Variants in AP2A2 observed in about 807,000 individuals in gnomAD.
AP2A2 encodes AP-2 complex subunit alpha-2.
Under a neutral mutation model 104.2 loss-of-function variants are expected in AP2A2, and 32 were observed. The observed-to-expected ratio is 0.31, with a 90% CI of 0.23 to 0.41. AP2A2 has a LOEUF of 0.41. AP2A2 is among the 10% of genes least tolerant of loss of function. The pLI is 1.00. For missense variants in AP2A2, 912 were observed against 1,261.0 expected, an observed-to-expected ratio of 0.72 and a Z score of 4.19; for synonymous variants, 539 against 533.3, an observed-to-expected ratio of 1.01 and a Z score of -0.15.
chr11:941,450 A>G (rs1474637743), intron 1 of AP2A2, among the ~76,000 whole-genome samples: 1 of 151,944 alleles, frequency 6.6e-6, no homozygotes, highest in Non-Finnish European at 1.5e-5. Context: ...ACTTTATGTA[A>G]TTTTTATTTT....
chr11:982,294 T>A (rs6597957), intron 6 of AP2A2, among the ~76,000 whole-genome samples: 72,857 of 152,038 alleles, frequency 0.48, 18,380 homozygotes, highest in Middle Eastern at 0.65. Context: ...CAAGCAATCT[T>A]CCTGCTTTGG....
chr11:940,468 C>G (rs183266624), intron 1 of AP2A2, among the ~76,000 whole-genome samples: 2 of 149,338 alleles, frequency 1.3e-5, no homozygotes, highest in African/African-American at 2.5e-5. Flanking sequence ...TTCTGCCTTT[C>G]GCGTTCTGTT....
intron 14 of AP2A2, among the ~76,000 whole-genome samples, chr11:997,781 T>C (rs1855901090): frequency 6.6e-6 from 1 of 152,194 alleles, no homozygotes; most frequent in African/African-American, 2.4e-5. Flanking sequence ...GGTGTGTGCC[T>C]GTAATCCCAG....
chr11:959,380 A>G (rs559103866), intron 1 of AP2A2, 57 bp from the exon 2 acceptor site: 534 of 1,180,026 alleles, frequency 4.5e-4, no homozygotes, highest in Non-Finnish European at 5.6e-4. Context: ...TATCAGGGAA[A>G]TGGTGTTTCT....
chr11:944,698 C>T (rs1853774367), intron 1 of AP2A2, among the ~76,000 whole-genome samples: 1 of 152,124 alleles, frequency 6.6e-6, no homozygotes, highest in Non-Finnish European at 1.5e-5. Flanking sequence ...AGCAGTTGAG[C>T]AAGGACCTGG....
intron 1 of AP2A2, among the ~76,000 whole-genome samples, chr11:936,167 A>T (rs1853453421): frequency 6.8e-6 from 1 of 147,246 alleles, no homozygotes. Flanking sequence ...TCGGCCTCCC[A>T]AAGTGCTAGG....
At chr11:990,196 C>A (rs1203803824) in intron 10 of AP2A2, among the ~76,000 whole-genome samples, 1 of 152,220 alleles carries the variant, frequency 6.6e-6, no homozygotes, top group Non-Finnish European at 1.5e-5. Flanking sequence ...GACTGTCCAC[C>A]CTCCAGGACA....
At chr11:980,772 GTTGTAAAGA>G (rs1855211005) in intron 5 of AP2A2, among the ~76,000 whole-genome samples, 1 of 152,238 alleles carries the variant, frequency 6.6e-6, no homozygotes, top group African/African-American at 2.4e-5. Context: ...TCACTTCTGG[GTTGTAAAGA>G]TTCAGATCAG....
At chr11:1,000,678 G>A in intron 15 of AP2A2, 80 bp downstream of exon 15, 1 of 1,416,806 alleles carries the variant, frequency 7.1e-7, no homozygotes, top group South Asian at 1.4e-5. Context: ...CGGCCAGCTG[G>A]ACAGAGGTGG....
intron 16 of AP2A2, among the ~76,000 whole-genome samples, chr11:1,005,820 C>T (rs1334652984): frequency 4.6e-5 from 7 of 152,188 alleles, no homozygotes; most frequent in South Asian, 2.1e-4. Flanking sequence ...GATAGCTTCA[C>T]GAGGTGTTGG....
chr11:964,084 C>G (rs1050513029), intron 2 of AP2A2, among the ~76,000 whole-genome samples: 2 of 152,174 alleles, frequency 1.3e-5, no homozygotes, highest in African/African-American at 4.8e-5. Context: ...CTGGAGACCC[C>G]CTTCCACTGT....
chr11:970,046 C>T (rs1036216682), intron 2 of AP2A2, 123 bp from the exon 3 acceptor site: 7 of 1,053,716 alleles, frequency 6.6e-6, no homozygotes, highest in Middle Eastern at 2.2e-4. Context: ...TGCCTGGGCC[C>T]GGCCACCCCT....
intron 20 of AP2A2, 131 bp downstream of exon 20, chr11:1,009,528 A>C (rs1856335508): frequency 7.7e-7 from 1 of 1,302,120 alleles, no homozygotes; most frequent in African/African-American, 1.6e-5. Flanking sequence ...GCCCCGGGGG[A>C]CACGCAGCCC....
chr11:1,009,813 C>T lies in AP2A2; in HGVS notation c.2738C>T (p.Ala913Val), dbSNP rs901126871. The T allele has an allele frequency of 6.5e-7, 1 of 1,543,890 alleles. No individual in the cohort carries two copies. Among genetic ancestry groups the T allele is most frequent in the African/African-American group, 1.4e-5 (1 of 73,066 alleles). The change falls in exon 21 of 22, where the codon GCC (alanine) becomes GTC (valine). Residue 913 changes from alanine (A) to valine (V), a missense_variant. Transcript: ENST00000448903. ...CTGCGCTTGGAGCCGAACCTGCAAG[C>T]CCAGGTCAGGCCCTCAGGAAATGGT... ...CLLRLEPNLQ[A>V]QMYRLTLRTS...
intron 1 of AP2A2, chr11:940,909 G>A (rs776502611): frequency 6.6e-6 from 3 of 456,148 alleles, no homozygotes; most frequent in African/African-American, 2.0e-5. Flanking sequence ...GCAGGTGGGT[G>A]TTGTGAGCCC....
At chr11:947,652 T>C (rs1336747575) in intron 1 of AP2A2, among the ~76,000 whole-genome samples, 1 of 151,922 alleles carries the variant, frequency 6.6e-6, no homozygotes, top group South Asian at 2.1e-4. Flanking sequence ...AAAAATTAGT[T>C]GGGCATGGTG....
chr11:974,451 A>G (rs1206363718), intron 4 of AP2A2, among the ~76,000 whole-genome samples: 2 of 152,156 alleles, frequency 1.3e-5, no homozygotes, highest in Non-Finnish European at 2.9e-5. Flanking sequence ...TGGAAGGCCA[A>G]GGTGGGCGGG....
chr11:927,073 T>G (rs1263797988), intron 1 of AP2A2, among the ~76,000 whole-genome samples: 1 of 152,172 alleles, frequency 6.6e-6, no homozygotes. Flanking sequence ...GATTTTTGTT[T>G]TTCTTTTTTT....
chr11:954,353 AGT>A (rs969500936), intron 1 of AP2A2, among the ~76,000 whole-genome samples: 4 of 151,634 alleles, frequency 2.6e-5, no homozygotes, highest in African/African-American at 4.9e-5. Context: ...CTCGTTTTAA[AGT>A]GTGTGTGTAT....
Sources: allele counts gnomAD v4.1 joint callset (sites outside exome capture counted in the v4.1 genomes callset), GRCh38; gene constraint gnomAD v4.1.1; transcripts MANE v1.5; gene names NCBI Gene and HGNC (gene_info 2026-07-23, HGNC 2026-07-21).